The following SAMMSON variants were observed in gnomAD, a reference collection of about 807,000 sequenced individuals.
SAMMSON encodes long intergenic non-protein coding RNA 1212.
chr3:70,059,239 A>G (rs1335996380), intron 3 of SAMMSON, among the ~76,000 whole-genome samples: 1 of 152,180 alleles, frequency 6.6e-6, no homozygotes, highest in East Asian at 1.9e-4. Context: ...TCAGAGGACG[A>G]GAACATTAGG....
chr3:70,053,754 G>C (rs1184326623), intron 3 of SAMMSON, among the ~76,000 whole-genome samples: 1 of 151,998 alleles, frequency 6.6e-6, no homozygotes, highest in Non-Finnish European at 1.5e-5. Context: ...TTTCACTGGT[G>C]CATTTCCTAT....
intron 4 of SAMMSON, among the ~76,000 whole-genome samples, chr3:70,228,455 T>C (rs1479379129): frequency 2.6e-5 from 4 of 152,066 alleles, no homozygotes; most frequent in African/African-American, 9.7e-5. Context: ...CTGATAGAGA[T>C]TCAGAAATAG....
At chr3:70,286,441 A>C (rs1483862637) in intron 6 of SAMMSON, among the ~76,000 whole-genome samples, 1 of 151,852 alleles carries the variant, frequency 6.6e-6, no homozygotes, top group African/African-American at 2.4e-5. Flanking sequence ...TACCAGTACC[A>C]TGCTGTTTTG....
intron 4 of SAMMSON, among the ~76,000 whole-genome samples, chr3:70,088,515 A>G (rs1285395976): frequency 6.6e-6 from 1 of 152,170 alleles, no homozygotes; most frequent in Non-Finnish European, 1.5e-5. Flanking sequence ...GGCAAGGCAT[A>G]TGGATAAGAG....
chr3:70,104,975 G>A (rs970471813), intron 4 of SAMMSON, among the ~76,000 whole-genome samples: 5 of 152,086 alleles, frequency 3.3e-5, no homozygotes, highest in Admixed American at 2.6e-4. Flanking sequence ...GTGTGAATTT[G>A]GGGGGAAAGC....
At chr3:70,393,900 G>T (rs776354390), downstream of SAMMSON, among the ~76,000 whole-genome samples, 4 of 152,124 alleles carry the variant, frequency 2.6e-5, no homozygotes, top group African/African-American at 7.2e-5. Flanking sequence ...TGCATTTTAC[G>T]TTGGGAAGTG....
intron 4 of SAMMSON, among the ~76,000 whole-genome samples, chr3:70,158,309 T>C (rs868729708): frequency 6.6e-6 from 1 of 152,138 alleles, no homozygotes; most frequent in African/African-American, 2.4e-5. Context: ...ATACAATATA[T>C]GGTATTTTGT....
At chr3:70,311,780 T>A (rs2106710620) in intron 7 of SAMMSON, 1 of 391,102 alleles carries the variant, frequency 2.6e-6, no homozygotes, top group African/African-American at 2.1e-5. Flanking sequence ...GAAGTACTAC[T>A]ATTTGAACGG....
chr3:70,244,425 C>T (rs1226413829), intron 4 of SAMMSON, among the ~76,000 whole-genome samples: 1 of 152,116 alleles, frequency 6.6e-6, no homozygotes, highest in East Asian at 1.9e-4. Flanking sequence ...ACTGAAATAT[C>T]AATTAAAATA....
intron 4 of SAMMSON, among the ~76,000 whole-genome samples, chr3:70,103,217 G>A (rs530069731): frequency 1.9e-4 from 29 of 152,202 alleles, no homozygotes; most frequent in East Asian, 5.8e-4. Context: ...CTGGATTTTT[G>A]TATGAAATCT....
intron 4 of SAMMSON, among the ~76,000 whole-genome samples, chr3:70,096,532 A>G (rs1243245928): frequency 6.6e-6 from 1 of 152,158 alleles, no homozygotes; most frequent in Non-Finnish European, 1.5e-5. Flanking sequence ...CCACAGAGTG[A>G]GCCCTTCTCT....
intron 4 of SAMMSON, among the ~76,000 whole-genome samples, chr3:70,090,790 A>C (rs2106647139): frequency 6.6e-6 from 1 of 152,212 alleles, no homozygotes; most frequent in East Asian, 1.9e-4. Flanking sequence ...AAAAAAAAAA[A>C]AAACCATTGG....
At chr3:70,126,223 T>A in intron 4 of SAMMSON, 1 of 1,083,384 alleles carries the variant, frequency 9.2e-7, no homozygotes, top group Non-Finnish European at 1.4e-6. Context: ...AATTCTTTCT[T>A]TTCTTTATCG....
Position 70,150,973 on chromosome 3 carries a change from A to AAT in SAMMSON, n.507+79417_507+79418dup, listed in dbSNP as rs764376450. 7.2e-5 allele frequency among the ~76,000 whole-genome samples: 11 copies of AAT among 152,138 alleles called. 1 individual carries two copies. The highest frequency in any genetic ancestry group is 1.0e-4 in the Non-Finnish European group (7 of 67,948). ...CATTCTGGGTTATCAGATTAACAGA[A>AAT]ATATATATATCTATATGTAGATATA... On this transcript the variant is annotated intron_variant and non_coding_transcript_variant, in intron 4 of 9. Transcript: ENST00000642114.
At chr3:70,244,761 CAT>C (rs1286977963) in intron 4 of SAMMSON, among the ~76,000 whole-genome samples, 3 of 152,194 alleles carry the variant, frequency 2.0e-5, no homozygotes, top group Non-Finnish European at 4.4e-5. Flanking sequence ...ATATTTTGTG[CAT>C]GTGTGTGCAC....
At chr3:70,006,632 C>T (rs1247328059) in intron 1 of SAMMSON, among the ~76,000 whole-genome samples, 1 of 152,014 alleles carries the variant, frequency 6.6e-6, no homozygotes, top group Non-Finnish European at 1.5e-5. Flanking sequence ...AACCCTAAGA[C>T]CTTTCCTGTT....
At chr3:70,267,735 G>C (rs1240042803) in intron 6 of SAMMSON, among the ~76,000 whole-genome samples, 2 of 151,968 alleles carry the variant, frequency 1.3e-5, no homozygotes, top group Non-Finnish European at 2.9e-5. Context: ...ATTTTTTAAT[G>C]GCAGCTTCAC....
chr3:70,382,450 A>G (rs1226952765), intron 9 of SAMMSON, among the ~76,000 whole-genome samples: 1 of 152,156 alleles, frequency 6.6e-6, no homozygotes, highest in African/African-American at 2.4e-5. Context: ...ATCTGGAGAT[A>G]TTTCTGGTTG....
intron 4 of SAMMSON, among the ~76,000 whole-genome samples, chr3:70,176,652 TC>T (rs1559528557): frequency 6.6e-6 from 1 of 152,136 alleles, no homozygotes; most frequent in Non-Finnish European, 1.5e-5. Context: ...GAAAACAAAC[TC>T]TGATCCCTTG....
Sources: allele counts gnomAD v4.1 joint callset (sites outside exome capture counted in the v4.1 genomes callset), GRCh38; gene constraint gnomAD v4.1.1; transcripts MANE v1.5; gene names NCBI Gene and HGNC (gene_info 2026-07-23, HGNC 2026-07-21).